ANKS1B: variants seen among roughly 807,000 people sequenced by gnomAD.
ANKS1B encodes the protein ankyrin repeat and sterile alpha motif domain containing 1B, also known as ankyrin repeat and sterile alpha motif domain-containing protein 1B.
A neutral mutation model predicts 148.3 loss-of-function variants in ANKS1B; 36 were observed. The observed-to-expected ratio is 0.24, with a 90% CI of 0.19 to 0.32. The LOEUF is 0.32. Ranked by LOEUF, ANKS1B falls within the 10% of genes least tolerant of loss-of-function variation. The pLI is 1.00. For synonymous variants in ANKS1B, 542 were observed against 560.8 expected (o/e 0.97, Z 0.47); for missense variants, 1,157 against 1,542.6 (o/e 0.75, Z 4.19).
At chr12:99,857,254 A>G (rs2089288347) in intron 1 of ANKS1B, among the ~76,000 whole-genome samples, 1 of 152,170 alleles carries the variant, frequency 6.6e-6, no homozygotes, top group Non-Finnish European at 1.5e-5. Context: ...CAAGCTGAGA[A>G]TCAAATCAAG....
intron 19 of ANKS1B, among the ~76,000 whole-genome samples, chr12:98,809,490 A>G (rs1436923436): frequency 6.6e-6 from 1 of 152,192 alleles, no homozygotes; most frequent in Non-Finnish European, 1.5e-5. Context: ...TAGCACTTCT[A>G]GTGCTAAATA....
chr12:99,052,734 CAAA>C (rs56965572), intron 17 of ANKS1B, among the ~76,000 whole-genome samples: 2 of 26,004 alleles, frequency 7.7e-5, no homozygotes, highest in East Asian at 1.6e-3. Context: ...GACTCCGTCT[CAAA>C]AAAAAAAAAA....
intron 10 of ANKS1B, among the ~76,000 whole-genome samples, chr12:99,487,029 G>A (rs2096498806): frequency 6.6e-6 from 1 of 152,168 alleles, no homozygotes; most frequent in Non-Finnish European, 1.5e-5. Flanking sequence ...CCTATCAAAT[G>A]CACCAGGGCT....
intron 15 of ANKS1B, among the ~76,000 whole-genome samples, chr12:99,089,663 T>C: frequency 6.6e-6 from 1 of 152,204 alleles, no homozygotes; most frequent in Non-Finnish European, 1.5e-5. Flanking sequence ...TGCCTCTTAG[T>C]CAAAGTTCAT....
chr12:99,221,159 A>G (rs1234173892), intron 14 of ANKS1B, among the ~76,000 whole-genome samples: 4 of 151,928 alleles, frequency 2.6e-5, no homozygotes, highest in Admixed American at 2.0e-4. Context: ...CTAACATGGT[A>G]AAACCCTGTC....
intron 8 of ANKS1B, among the ~76,000 whole-genome samples, chr12:99,729,487 T>A (rs2372902): frequency 0.44 from 66,271 of 151,966 alleles, 14,844 homozygotes; most frequent in South Asian, 0.61. Flanking sequence ...AGAATTTCTA[T>A]TTGATTTTTT....
In ANKS1B at chr12:99,973,522, T is replaced by C. The variant is rs144501570; in HGVS notation, c.134+10582A>G. 8.1e-4 allele frequency among the ~76,000 whole-genome samples: 123 copies of C among 152,346 alleles called. 2 individuals carry two copies. The East Asian group carries it at 0.02, about 25-fold the overall frequency. Reference sequence around the variant, plus strand: ...TGAGTCTGGGAGGTCAAGGCTGCAGTGAGCACAGTGATCATGCCACTGCAC... The same window carrying C: ...TGAGTCTGGGAGGTCAAGGCTGCAGCGAGCACAGTGATCATGCCACTGCAC... On this transcript the variant is annotated intron_variant, in intron 1 of 26. Coordinates refer to ENST00000683438, the MANE Select transcript of ANKS1B (RefSeq NM_001352186.2).
intron 24 of ANKS1B, among the ~76,000 whole-genome samples, chr12:98,777,338 A>G (rs1489909758): frequency 1.3e-5 from 2 of 152,230 alleles, no homozygotes; most frequent in Non-Finnish European, 2.9e-5. Flanking sequence ...AAAAAACAAA[A>G]CAACAATGAA....
Position 99,154,295 on chromosome 12 carries a change from C to T in ANKS1B, c.2520G>A (p.Gln840=). The T allele has an allele frequency of 6.2e-7, 1 of 1,613,654 alleles. No homozygotes were observed. The highest frequency in any genetic ancestry group is 8.5e-7 in the Non-Finnish European group (1 of 1,179,646). The change falls in exon 15 of 27, where the codon CAG becomes CAA. Residue 840 remains glutamine, a synonymous_variant. Transcript: ENST00000683438. ...GACACAGAGAGCTTCTTACCATAAACTGCACATTGTCAAATCCATTAGCCA... is the reference window on the plus strand; with the variant it reads ...GACACAGAGAGCTTCTTACCATAAATTGCACATTGTCAAATCCATTAGCCA... ...HLMANGFDNV[Q]FMGSNVMEDQ...
intron 12 of ANKS1B, among the ~76,000 whole-genome samples, chr12:99,305,744 C>G (rs1177139273): frequency 6.6e-6 from 1 of 152,082 alleles, no homozygotes; most frequent in Non-Finnish European, 1.5e-5. Context: ...AGCCTAGAAT[C>G]AAAGAAGCCC....
At chr12:99,253,425 C>T (rs1353743293) in intron 12 of ANKS1B, among the ~76,000 whole-genome samples, 1 of 152,144 alleles carries the variant, frequency 6.6e-6, no homozygotes, top group Non-Finnish European at 1.5e-5. Context: ...TTTCTTAATA[C>T]TTCATCGTAA....
intron 10 of ANKS1B, among the ~76,000 whole-genome samples, chr12:99,469,773 G>T (rs936256488): frequency 2.0e-5 from 3 of 152,050 alleles, no homozygotes. Context: ...TGATTAAATT[G>T]TTTGTTGTAT....
intron 17 of ANKS1B, among the ~76,000 whole-genome samples, chr12:98,851,954 G>A (rs1167178550): frequency 6.8e-6 from 1 of 146,296 alleles, no homozygotes; most frequent in Non-Finnish European, 1.5e-5. Context: ...AACCCAGGAG[G>A]TGGAGGTTGC....
chr12:99,721,726 T>G (rs7972606), intron 8 of ANKS1B, among the ~76,000 whole-genome samples: 66,137 of 151,952 alleles, frequency 0.44, 14,769 homozygotes, highest in South Asian at 0.61. Flanking sequence ...CTCTTCACAC[T>G]GATGCGCATG....
At chr12:99,605,172 C>T (rs2097842728) in intron 9 of ANKS1B, among the ~76,000 whole-genome samples, 1 of 151,866 alleles carries the variant, frequency 6.6e-6, no homozygotes, top group Non-Finnish European at 1.5e-5. Flanking sequence ...TCAGCTTTGA[C>T]CACACAACAT....
chr12:99,503,143 C>T (rs937005978), intron 10 of ANKS1B, among the ~76,000 whole-genome samples: 1 of 152,098 alleles, frequency 6.6e-6, no homozygotes, highest in Non-Finnish European at 1.5e-5. Context: ...CACCAGGTTG[C>T]CCAGGCTAGT....
intron 16 of ANKS1B, among the ~76,000 whole-genome samples, chr12:99,081,294 A>C (rs1279938140): frequency 6.6e-6 from 1 of 152,210 alleles, no homozygotes; most frequent in Non-Finnish European, 1.5e-5. Context: ...GAACAATCTC[A>C]CTAATTCCAC....
chr12:98,857,159 A>G (rs2099576119), intron 17 of ANKS1B, among the ~76,000 whole-genome samples: 1 of 152,214 alleles, frequency 6.6e-6, no homozygotes, highest in Non-Finnish European at 1.5e-5. Flanking sequence ...CATGGAGCAC[A>G]GAGGAGGAAG....
rs1197731518 is a variant in ANKS1B at position 98,829,058 on chromosome 12, T to C, written c.3066+116A>G. 3 of 1,169,948 alleles carry C rather than the reference T, an allele frequency of 2.6e-6. No homozygotes were observed. Among genetic ancestry groups the C allele is most frequent in the East Asian group, 2.3e-5 (1 of 42,724 alleles). The allele number at this position is 1,169,948 out of a possible 1,614,324, so 72.5% of individuals were successfully genotyped here. ...AAGGAATGAAAGGCGGGGCATAACA[T>C]GGTATAAATTCTAGTTAGGCACGGA... is the stretch of plus-strand genomic sequence containing the variant. On this transcript the variant is annotated intron_variant, in intron 19 of 26. Transcript: ENST00000683438. The surrounding 1 kb of genome is among the most constrained non-coding windows in gnomAD (Gnocchi z 5.2).
Sources: allele counts gnomAD v4.1 joint callset (sites outside exome capture counted in the v4.1 genomes callset), GRCh38; gene constraint gnomAD v4.1.1; non-coding constraint Gnocchi (gnomAD v3.1); transcripts MANE v1.5; gene names NCBI Gene and HGNC (gene_info 2026-07-23, HGNC 2026-07-21).